Variants in CADM2 observed in about 807,000 individuals in gnomAD.
CADM2 encodes the protein cell adhesion molecule 2, also known as immunoglobulin superfamily member 4D.
A neutral mutation model predicts 49.8 loss-of-function variants in CADM2; 12 were observed. The ratio of observed to expected loss-of-function variants is 0.24; its 90% CI spans 0.15 to 0.39. CADM2 has a LOEUF of 0.39. Among genes scored for constraint, CADM2 ranks in the 10% least tolerant of loss-of-function variants. The probability of loss-of-function intolerance (pLI) is 1.00; values close to 1 mark genes in which losing one functional copy is unlikely to be tolerated. For synonymous variants in CADM2, 214 were observed against 175.4 expected, an observed-to-expected ratio of 1.22 and a Z score of -1.74; for missense variants, 378 against 492.3, an observed-to-expected ratio of 0.77 and a Z score of 2.20.
intron 1 of CADM2, among the ~76,000 whole-genome samples, chr3:85,558,139 C>T (rs1490681278): frequency 3.3e-5 from 5 of 151,636 alleles, no homozygotes; most frequent in African/African-American, 4.8e-5. Flanking sequence ...GAGAGAAAGG[C>T]GTTATGTTCT....
At chr3:85,251,353 T>C (rs1463486813) in intron 1 of CADM2, among the ~76,000 whole-genome samples, 13 of 151,962 alleles carry the variant, frequency 8.6e-5, no homozygotes, top group South Asian at 4.1e-4. Context: ...CAGATCCAAG[T>C]AGGAAATTAC....
intron 1 of CADM2, among the ~76,000 whole-genome samples, chr3:85,634,751 T>C (rs189380158): frequency 1.7e-4 from 26 of 152,250 alleles, no homozygotes; most frequent in Admixed American, 1.7e-3. Flanking sequence ...TCAATCATTT[T>C]AGATGCAAAT....
At chr3:86,028,325 G>T (rs1410200946) in intron 8 of CADM2, among the ~76,000 whole-genome samples, 2 of 150,988 alleles carry the variant, frequency 1.3e-5, no homozygotes, top group African/African-American at 2.4e-5. Flanking sequence ...ACAAATATTT[G>T]GGTTTCCAGT....
chr3:85,176,548 T>C lies in CADM2; in HGVS notation c.61+216880T>C, dbSNP rs533294079. Among the ~76,000 whole-genome samples, 8 of 152,284 alleles carry C rather than the reference T, an allele frequency of 5.3e-5. No individual in the cohort carries two copies. In the East Asian group the frequency reaches 1.5e-3, roughly 29 times the overall value. On this transcript the variant is annotated intron_variant, in intron 1 of 9. Transcript: ENST00000383699. ...AATTTTCTAAAACTGAAGACTTGAT[T>C]GCTTTGGGGAAATTCAGATGCAGAT...
intron 2 of CADM2, among the ~76,000 whole-genome samples, chr3:85,771,931 G>T (rs1219480363): frequency 6.6e-6 from 1 of 151,368 alleles, no homozygotes; most frequent in Non-Finnish European, 1.5e-5. Context: ...CAAGAAAGGT[G>T]AAGTTTTTCA....
At chr3:85,601,422 T>A (rs1388361594) in intron 1 of CADM2, among the ~76,000 whole-genome samples, 3 of 151,156 alleles carry the variant, frequency 2.0e-5, no homozygotes, top group Non-Finnish European at 4.4e-5. Flanking sequence ...CACAATACAT[T>A]AACTCAATGA....
chr3:86,034,827 C>G (rs1038684602), intron 8 of CADM2, among the ~76,000 whole-genome samples: 1 of 151,942 alleles, frequency 6.6e-6, no homozygotes, highest in Non-Finnish European at 1.5e-5. Flanking sequence ...AATAGTGACA[C>G]CTTTCACTCT....
chr3:85,850,324 T>TG (rs1271766084), intron 3 of CADM2, among the ~76,000 whole-genome samples: 1 of 114,352 alleles, frequency 8.7e-6, no homozygotes, highest in East Asian at 3.3e-4. Context: ...CTTTTTTTTT[T>TG]TTTTTTTTTT....
chr3:85,064,148 A>G (rs139870129), intron 1 of CADM2, among the ~76,000 whole-genome samples: 111 of 152,214 alleles, frequency 7.3e-4, no homozygotes, highest in Non-Finnish European at 1.0e-3. Context: ...ACCTTGCTCT[A>G]GGAAGCAAAT....
intron 1 of CADM2, among the ~76,000 whole-genome samples, chr3:85,191,945 T>TTGTGTGTGTG (rs3085115): frequency 0.091 from 13,515 of 148,990 alleles, 742 homozygotes; most frequent in African/African-American, 0.16. Flanking sequence ...GATGAAACAG[T>TTGTGTGTGTG]TGTGTGTGTG....
intron 1 of CADM2, among the ~76,000 whole-genome samples, chr3:85,621,347 A>G (rs1303593412): frequency 6.6e-6 from 1 of 152,182 alleles, no homozygotes; most frequent in East Asian, 1.9e-4. Flanking sequence ...AGACAATAAT[A>G]TCTGTTAATG....
intron 8 of CADM2, among the ~76,000 whole-genome samples, chr3:86,007,235 T>G (rs1730910888): frequency 6.6e-6 from 1 of 151,768 alleles, no homozygotes; most frequent in Non-Finnish European, 1.5e-5. Flanking sequence ...CACGTTTATG[T>G]AAAGTATGCC....
At chr3:85,265,970 T>C (rs1403690229) in intron 1 of CADM2, among the ~76,000 whole-genome samples, 3 of 151,956 alleles carry the variant, frequency 2.0e-5, no homozygotes, top group Non-Finnish European at 4.4e-5. Flanking sequence ...TAGCTGTTTC[T>C]ACCTTAATAG....
intron 8 of CADM2, among the ~76,000 whole-genome samples, chr3:86,010,664 GA>G (rs1170381309): frequency 6.6e-6 from 1 of 150,416 alleles, no homozygotes. Context: ...CAAATATTAA[GA>G]AAAAATAATG....
intron 1 of CADM2, among the ~76,000 whole-genome samples, chr3:85,359,666 A>ATATATATTTTTTTTTTTTT: frequency 1.1e-4 from 3 of 26,556 alleles, no homozygotes; most frequent in East Asian, 1.3e-3. Flanking sequence ...ATATATATAT[A>ATATATATTTTTTTTTTTTT]TTTTTTTTTT....
intron 1 of CADM2, among the ~76,000 whole-genome samples, chr3:85,477,243 A>AAAAC (rs1553728037): frequency 6.9e-6 from 1 of 144,754 alleles, no homozygotes; most frequent in African/African-American, 2.6e-5. Context: ...GATTCCCTTA[A>AAAAC]ACACACACAC....
intron 1 of CADM2, among the ~76,000 whole-genome samples, chr3:85,336,985 TATATATTTAATATATATTA>T (rs2045102881): frequency 2.1e-5 from 1 of 46,988 alleles, no homozygotes; most frequent in Non-Finnish European, 7.1e-5. Context: ...ATTTAATATA[TATATATTTAATATATATTA>T]AATATAATAT....
intron 8 of CADM2, among the ~76,000 whole-genome samples, chr3:86,019,209 A>G (rs1205896083): frequency 1.5e-5 from 2 of 136,828 alleles, no homozygotes; most frequent in African/African-American, 5.6e-5. Context: ...GTTATTTCTG[A>G]GGGCTCTGTT....
intron 1 of CADM2, among the ~76,000 whole-genome samples, chr3:85,674,190 C>T (rs1414718207): frequency 6.6e-6 from 1 of 152,112 alleles, no homozygotes; most frequent in Non-Finnish European, 1.5e-5. Context: ...GTATTAAATA[C>T]ATGTAAACGC....
Sources: gnomAD v4.1 joint callset for allele counts (sites outside exome capture counted in the v4.1 genomes callset) on GRCh38, gnomAD v4.1.1 for gene constraint, MANE v1.5 for transcripts, NCBI Gene and HGNC (gene_info 2026-07-23, HGNC 2026-07-21) for gene names.